Variants in WWOX observed in about 807,000 individuals in gnomAD.
WWOX encodes WW domain containing oxidoreductase, also known as WW domain-containing oxidoreductase.
WWOX carries 69 observed loss-of-function variants against 46.2 expected under a neutral mutation model. The ratio of observed to expected loss-of-function variants is 1.49; its 90% CI spans 1.23 to 1.82. The LOEUF is 1.82. Among genes scored for constraint, WWOX ranks in the 40% most tolerant of loss-of-function variants. The probability of loss-of-function intolerance (pLI) is 0.00; values close to 1 mark genes in which losing one functional copy is unlikely to be tolerated. For synonymous variants in WWOX, 359 were observed against 202.6 expected (o/e 1.77, Z -6.56); for missense variants, 919 against 542.6 (o/e 1.69, Z -6.89).
intron 6 of WWOX, among the ~76,000 whole-genome samples, chr16:78,410,414 G>A (rs539279971): frequency 1.3e-5 from 2 of 152,080 alleles, no homozygotes; most frequent in Non-Finnish European, 2.9e-5. Flanking sequence ...ACTTCTTTGG[G>A]GGACTTTTAT....
chr16:79,036,839 G>T (rs2047876575), intron 8 of WWOX, among the ~76,000 whole-genome samples: 1 of 152,150 alleles, frequency 6.6e-6, no homozygotes, highest in Non-Finnish European at 1.5e-5. Flanking sequence ...GTTAGCATCA[G>T]GTATTTTAGA....
rs376154255 is a variant in WWOX at position 78,512,101 on chromosome 16, A to C, written c.1056+79349A>C. Among the ~76,000 whole-genome samples the C allele has an allele frequency of 1.2e-4, 18 of 152,366 alleles. No homozygotes were observed. The East Asian group carries it at 1.4e-3, about 11-fold the overall frequency. ...TTCTAAACTTAGCAATGCAACTTGC[A>C]CTTAATTTTAAAACGCTGGAAAAAT... On this transcript the variant is annotated intron_variant, in intron 8 of 8. Transcript: ENST00000566780.
chr16:78,911,918 G>C (rs1273885388), intron 8 of WWOX, among the ~76,000 whole-genome samples: 1 of 152,012 alleles, frequency 6.6e-6, no homozygotes, highest in Non-Finnish European at 1.5e-5. Flanking sequence ...CAAGCTTAGT[G>C]TGTGCAAGAC....
At chr16:78,609,855 C>T (rs2045856611) in intron 8 of WWOX, among the ~76,000 whole-genome samples, 1 of 152,208 alleles carries the variant, frequency 6.6e-6, no homozygotes. Context: ...TTTTTAGTTT[C>T]TGTCTAATTT....
intron 2 of WWOX, among the ~76,000 whole-genome samples, chr16:78,108,842 G>A (rs931654417): frequency 6.6e-6 from 1 of 152,188 alleles, no homozygotes; most frequent in South Asian, 2.1e-4. Flanking sequence ...ACAAAAATTA[G>A]CTGGGCATGG....
At chr16:79,148,811 C>G (rs2030438613) in intron 8 of WWOX, among the ~76,000 whole-genome samples, 1 of 151,116 alleles carries the variant, frequency 6.6e-6, no homozygotes, top group South Asian at 2.1e-4. Flanking sequence ...GTTTTTAATT[C>G]CAACTTCTAC....
intron 8 of WWOX, among the ~76,000 whole-genome samples, chr16:78,559,611 A>G (rs185185426): frequency 2.0e-5 from 3 of 152,344 alleles, no homozygotes; most frequent in Admixed American, 2.0e-4. Flanking sequence ...ACTATTAGCA[A>G]ATGGCCACTG....
intron 8 of WWOX, among the ~76,000 whole-genome samples, chr16:79,011,144 C>T (rs2047297656): frequency 2.0e-5 from 1 of 51,124 alleles, no homozygotes; most frequent in African/African-American, 8.7e-5. Flanking sequence ...TCCACACACA[C>T]ACACACACAC....
chr16:78,146,498 A>G (rs939777115), intron 4 of WWOX, among the ~76,000 whole-genome samples: 3 of 152,322 alleles, frequency 2.0e-5, no homozygotes, highest in East Asian at 1.9e-4. Context: ...TCCTCCGTGC[A>G]TCCCTCACAT....
chr16:78,861,178 G>A (rs2043877771), intron 8 of WWOX, among the ~76,000 whole-genome samples: 1 of 151,818 alleles, frequency 6.6e-6, no homozygotes, highest in Admixed American at 6.6e-5. Flanking sequence ...TCCTCTCTTT[G>A]CTTCTTTCCT....
intron 8 of WWOX, among the ~76,000 whole-genome samples, chr16:78,997,094 C>T (rs998574375): frequency 1.4e-4 from 22 of 151,966 alleles, no homozygotes; most frequent in African/African-American, 5.3e-4. Context: ...TCTGCTTTTC[C>T]AATCTTCTGC....
rs111734337 is a variant in WWOX at position 78,918,861 on chromosome 16, A to C, written c.1057-292747A>C. Among the ~76,000 whole-genome samples, 320 of 152,276 alleles carry C rather than the reference A, an allele frequency of 2.1e-3. 2 individuals are homozygous for C. Among genetic ancestry groups the C allele is most frequent in the Middle Eastern group, 6.8e-3 (2 of 294 alleles). Reference sequence around the variant, plus strand: ...GGGTCTCACATGATCCGTCGTTCCAAATATGAGCACTTTCTCTTGTCTTTT... The same window carrying C: ...GGGTCTCACATGATCCGTCGTTCCACATATGAGCACTTTCTCTTGTCTTTT... On this transcript the variant is annotated intron_variant, in intron 8 of 8. Coordinates refer to ENST00000566780, the MANE Select transcript of WWOX (RefSeq NM_016373.4).
chr16:78,786,056 A>G (rs2050448669), intron 8 of WWOX, among the ~76,000 whole-genome samples: 1 of 152,054 alleles, frequency 6.6e-6, no homozygotes, highest in Non-Finnish European at 1.5e-5. Flanking sequence ...ACAGGCACCC[A>G]CCACCACGCC....
intron 8 of WWOX, among the ~76,000 whole-genome samples, chr16:79,059,551 C>T (rs1440620872): frequency 6.6e-6 from 1 of 152,092 alleles, no homozygotes; most frequent in African/African-American, 2.4e-5. Context: ...AGTGCAATGG[C>T]GCGATCTCGG....
intron 8 of WWOX, among the ~76,000 whole-genome samples, chr16:78,745,973 C>T (rs956214256): frequency 2.6e-5 from 4 of 152,152 alleles, no homozygotes; most frequent in African/African-American, 9.7e-5. Flanking sequence ...TGAACTGGAA[C>T]CCTGCACCAC....
At chr16:78,677,900 C>T in intron 8 of WWOX, among the ~76,000 whole-genome samples, 1 of 152,174 alleles carries the variant, frequency 6.6e-6, no homozygotes, top group East Asian at 1.9e-4. Context: ...AATGTTATTT[C>T]TAAAAAGTAG....
chr16:79,033,389 C>G (rs940092943), intron 8 of WWOX, among the ~76,000 whole-genome samples: 2 of 149,418 alleles, frequency 1.3e-5, no homozygotes, highest in Non-Finnish European at 3.0e-5. Flanking sequence ...AATATAGACT[C>G]TAATAATTAT....
chr16:79,173,233 C>A (rs1022673680), intron 8 of WWOX, among the ~76,000 whole-genome samples: 3 of 152,156 alleles, frequency 2.0e-5, no homozygotes, highest in African/African-American at 7.2e-5. Flanking sequence ...CCTCCTGGGC[C>A]TCCTGAGGGG....
At chr16:78,331,230 C>T (rs3924959) in intron 5 of WWOX, among the ~76,000 whole-genome samples, 97,575 of 152,094 alleles carry the variant, frequency 0.64, 33,394 homozygotes, top group East Asian at 0.99. Context: ...TTAGCTTCTT[C>T]ATGCTTGCGT....
Sources: allele counts gnomAD v4.1 joint callset (sites outside exome capture counted in the v4.1 genomes callset), GRCh38; gene constraint gnomAD v4.1.1; transcripts MANE v1.5; gene names NCBI Gene and HGNC (gene_info 2026-07-23, HGNC 2026-07-21).